Variants in PPID observed in about 807,000 individuals in gnomAD.
PPID encodes peptidylprolyl isomerase D, also known as peptidyl-prolyl cis-trans isomerase D.
A neutral mutation model predicts 48.1 loss-of-function variants in PPID; 47 were observed. The observed-to-expected ratio is 0.98, with a 90% confidence interval of 0.77 to 1.25. The LOEUF is 1.25. Ranked by LOEUF, PPID falls within the 50% of genes most tolerant of loss-of-function variation. The probability of loss-of-function intolerance (pLI) is 0.00; values close to 1 mark genes in which losing one functional copy is unlikely to be tolerated. For synonymous variants in PPID, 163 were observed against 148.8 expected (o/e 1.10, Z -0.69); for missense variants, 429 against 443.5 (o/e 0.97, Z 0.29).
At position 158,717,504 on chromosome 4, in the gene PPID, A is replaced by G. The variant is rs150071718; in HGVS notation, c.334-304T>C. On this transcript the variant is annotated intron_variant, in intron 3 of 9. Transcript: ENST00000307720. Reference sequence around the variant, plus strand: ...GGGGAGGGTTATTTCTAAATTGGCCATGAGAAAATACTTACACTTCACCTT... The same window carrying G: ...GGGGAGGGTTATTTCTAAATTGGCCGTGAGAAAATACTTACACTTCACCTT... Among the ~76,000 whole-genome samples the G allele has an allele frequency of 2.5e-4, 38 of 152,306 alleles. No individual in the cohort carries two copies. In the East Asian group the frequency reaches 6.4e-3, roughly 26 times the overall value.
chr4:158,721,702 C>T (rs546151311), intron 1 of PPID, among the ~76,000 whole-genome samples: 1 of 152,252 alleles, frequency 6.6e-6, no homozygotes, highest in African/African-American at 2.4e-5. Context: ...CCCTTTCTAA[C>T]TGAAATTAGG....
At position 158,719,288 on chromosome 4, in the gene PPID, T is replaced by C. The variant is rs1774918500; in HGVS notation, c.227-2A>G. 6.4e-7 allele frequency: 1 copy of C among 1,571,914 alleles called. No individual in the cohort carries two copies. On this transcript the variant is annotated splice_acceptor_variant, in intron 2 of 9. Transcript: ENST00000307720. LOFTEE classifies it high-confidence loss of function. The stretch of plus-strand genomic sequence containing the variant: ...CCTGAATCATAAATTTCTTAATAAC[T>C]ACAAAAAAGGAAAATGGCTATTAGT...
In PPID at chr4:158,717,283, T is replaced by G. The variant is rs958328880; in HGVS notation, c.334-83A>C. On this transcript the variant is annotated intron_variant, in intron 3 of 9. Transcript: ENST00000307720. The stretch of plus-strand genomic sequence containing the variant: ...GTGTTAGTCTGAACTGTTCTTTTAC[T>G]GAACATAAAACTGGGGTGCACTATA... The G allele has an allele frequency of 6.8e-6, 9 of 1,316,274 alleles. No individual in the cohort carries two copies. The Admixed American group carries it at 2.5e-4, about 36-fold the overall frequency. The allele number at this position is 1,316,274 out of a possible 1,614,324, so 81.5% of individuals were successfully genotyped here. A position where few individuals can be genotyped will look rare whatever the true frequency, so the allele number is the denominator to read the frequency against.
At chr4:158,719,877 A>G (rs1774929169) in intron 2 of PPID, among the ~76,000 whole-genome samples, 2 of 152,216 alleles carry the variant, frequency 1.3e-5, no homozygotes, top group Admixed American at 1.3e-4. Context: ...ATGTGGTTGG[A>G]TCACAGTGGT....
At chr4:158,716,945 C>G in intron 4 of PPID, 67 bp downstream of exon 4, 4 of 1,491,086 alleles carry the variant, frequency 2.7e-6, no homozygotes, top group East Asian at 2.3e-5. Context: ...TGGAACAGAT[C>G]GAGACTCCGT....
chr4:158,711,197 A>G (rs1774784859), intron 7 of PPID, among the ~76,000 whole-genome samples: 2 of 152,188 alleles, frequency 1.3e-5, no homozygotes, highest in Admixed American at 6.5e-5. Flanking sequence ...TAATAACTTA[A>G]TAACTCTTAA....
chr4:158,715,242 A>G, intron 6 of PPID, 55 bp downstream of exon 6: 1 of 1,294,136 alleles, frequency 7.7e-7, no homozygotes, highest in Non-Finnish European at 1.0e-6. Flanking sequence ...TCTTAATTTT[A>G]GTTTATAATT....
chr4:158,722,819 A>T (rs1341351626), intron 1 of PPID, among the ~76,000 whole-genome samples: 1 of 152,264 alleles, frequency 6.6e-6, no homozygotes, highest in Non-Finnish European at 1.5e-5. Flanking sequence ...TGGCAAATAT[A>T]GTTTCCTGGG....
intron 3 of PPID, among the ~76,000 whole-genome samples, chr4:158,717,424 CTTT>C (rs1285397551): frequency 1.3e-5 from 2 of 152,064 alleles, no homozygotes; most frequent in Non-Finnish European, 2.9e-5. Flanking sequence ...CACTTAATCA[CTTT>C]AAACTTTAAA....
chr4:158,717,317 T>A, intron 3 of PPID, 117 bp from the exon 4 acceptor site: 1 of 757,608 alleles, frequency 1.3e-6, no homozygotes, highest in Non-Finnish European at 1.9e-6. Flanking sequence ...TACTACCATT[T>A]AGATCAAACT....
intron 7 of PPID, among the ~76,000 whole-genome samples, 183 bp downstream of exon 7, chr4:158,712,934 CAG>C (rs1282570884): frequency 1.3e-5 from 2 of 152,176 alleles, no homozygotes; most frequent in Non-Finnish European, 2.9e-5. Context: ...TTAAGTGACA[CAG>C]AGTTATAAGC....
In PPID at chr4:158,715,620, T is replaced by A. The variant is rs2230222; in HGVS notation, c.587A>T (p.Asp196Val). 3.2e-5 allele frequency: 52 copies of A among 1,613,048 alleles called. No individual in the cohort carries two copies. In the East Asian group the frequency reaches 1.0e-3, roughly 31 times the overall value. The part of the protein sequence containing the change: ...EGDDGGIFPK[D>V]GSGDSHPDFP... ...ATCTGGATGACTGTCGCCAGAGCCA[T>A]CTTTTGGGAATATTCCCCCGTCATC... Residue 196 changes from aspartate to valine, a missense_variant, in exon 5 of 10, where the codon GAT becomes GTT. Asp to Val is a radical substitution (Grantham distance 152). Coordinates refer to ENST00000307720, the MANE Select transcript of PPID (RefSeq NM_005038.3).
intron 9 of PPID, 54 bp downstream of exon 9, chr4:158,710,574 G>A (rs566627496): frequency 6.4e-7 from 1 of 1,556,636 alleles, no homozygotes; most frequent in South Asian, 1.1e-5. Context: ...TGGTTCCTGA[G>A]GATAAGTATT....
In PPID at chr4:158,719,077, A is replaced by C. The variant is rs548729857; in HGVS notation, c.333+103T>G. 608 of 694,686 alleles carry C rather than the reference A, an allele frequency of 8.8e-4. 3 individuals are homozygous for C. Among genetic ancestry groups the C allele is most frequent in the South Asian group, 5.2e-4 (27 of 52,158 alleles). 43.0% of individuals were successfully genotyped at this position (694,686 alleles called of 1,614,324 possible). ...TGATTCCTATTACAAGAAATGGAGA[A>C]TCTAAGCACACTTGAAACATTTTTT... is the stretch of plus-strand genomic sequence containing the variant. On this transcript the variant is annotated intron_variant, in intron 3 of 9. Coordinates refer to ENST00000307720, the MANE Select transcript of PPID (RefSeq NM_005038.3).
intron 2 of PPID, 94 bp from the exon 3 acceptor site, chr4:158,719,380 C>T: frequency 1.3e-6 from 1 of 784,810 alleles, no homozygotes; most frequent in Non-Finnish European, 2.2e-6. Context: ...CTTTGTAGTG[C>T]ATGACTCTAG....
chr4:158,709,915 GA>G, intron 9 of PPID, 91 bp from the exon 10 acceptor site: 1 of 994,216 alleles, frequency 1.0e-6, no homozygotes, highest in Non-Finnish European at 1.5e-6. Flanking sequence ...ACTACCCCTT[GA>G]AAAAACTTCT....
chr4:158,712,359 A>G (rs1774802137), intron 7 of PPID, among the ~76,000 whole-genome samples: 1 of 152,208 alleles, frequency 6.6e-6, no homozygotes, highest in Non-Finnish European at 1.5e-5. Flanking sequence ...TGAATCACTT[A>G]TTAAGCTTCT....
At chr4:158,721,190 C>G (rs1774952926) in intron 2 of PPID, among the ~76,000 whole-genome samples, 153 bp downstream of exon 2, 1 of 152,174 alleles carries the variant, frequency 6.6e-6, no homozygotes, top group South Asian at 2.1e-4. Context: ...CCTCGCACAG[C>G]CTAACCTTTA....
At chr4:158,712,556 A>T (rs747907954) in intron 7 of PPID, among the ~76,000 whole-genome samples, 16 of 152,234 alleles carry the variant, frequency 1.1e-4, no homozygotes, top group Non-Finnish European at 1.9e-4. Flanking sequence ...CAGGAGTTTG[A>T]GACCAGCCTG....
Sources: allele counts gnomAD v4.1 joint callset (sites outside exome capture counted in the v4.1 genomes callset), GRCh38; gene constraint gnomAD v4.1.1; transcripts MANE v1.5; gene names NCBI Gene and HGNC (gene_info 2026-07-23, HGNC 2026-07-21).